Variants in ACKR3 observed in about 807,000 individuals in gnomAD.
ACKR3 encodes atypical chemokine receptor 3.
ACKR3 carries 6 observed loss-of-function variants against 22.4 expected under a neutral mutation model. That is an observed-to-expected ratio of 0.27 (90% CI 0.15 to 0.53). The LOEUF is 0.53. Ranked by LOEUF, ACKR3 falls within the 20% of genes least tolerant of loss-of-function variation. ACKR3 has a pLI of 0.96. For missense variants in ACKR3, 396 were observed against 475.2 expected (o/e 0.83, Z 1.55); for synonymous variants, 209 against 205.2 (o/e 1.02, Z -0.16).
the ACKR3 span, among the ~76,000 whole-genome samples, chr2:236,548,027 T>C: frequency 2.0e-5 from 3 of 152,194 alleles, no homozygotes; most frequent in Admixed American, 6.5e-5. The surrounding 1 kb of genome is among the most constrained non-coding windows in gnomAD (Gnocchi z 4.3). Context: ...CAATTAGACA[T>C]ATCTTCCACA....
In ACKR3 at chr2:236,581,055, G is replaced by A. The variant is rs776743438; in HGVS notation, c.590G>A (p.Arg197Gln). 6 of 1,614,024 alleles carry A rather than the reference G, an allele frequency of 3.7e-6. No homozygotes were observed. The highest frequency in any genetic ancestry group is 2.7e-5 in the African/African-American group (2 of 74,900). The change falls in exon 2 of 2, where the codon CGG (arginine) becomes CAG (glutamine). Residue 197 changes from arginine to glutamine, a missense_variant. Physicochemically the swap from Arg to Gln is conservative, Grantham distance 43 (BLOSUM62 1). Transcript: ENST00000272928. This position sits in a 1 kb window ranked among gnomAD's most constrained non-coding sequence, Gnocchi z 4.4. ...TSASNNETYCRSFYPEHSIKE... is the reference protein window; with the variant it reads ...TSASNNETYCQSFYPEHSIKE... The stretch of plus-strand genomic sequence containing the variant: ...GCGTCCAACAATGAGACCTACTGCC[G>A]GTCCTTCTACCCCGAGCACAGCATC...
Position 236,577,899 on chromosome 2 carries a change from G to A in ACKR3, c.-26-2541G>A, listed in dbSNP as rs1559472872. Reference sequence around the variant, plus strand: ...CGAGCTCCCTCTGGACCCAGCTGCTGTCCCTGCTGCTGCCCAGCTGTGGGG... The same window carrying A: ...CGAGCTCCCTCTGGACCCAGCTGCTATCCCTGCTGCTGCCCAGCTGTGGGG... On this transcript the variant is annotated intron_variant, in intron 1 of 1. Coordinates refer to ENST00000272928, the MANE Select transcript of ACKR3 (RefSeq NM_020311.3). The surrounding 1 kb of genome is among the most constrained non-coding windows in gnomAD (Gnocchi z 5.6). Among the ~76,000 whole-genome samples, 1 of 152,216 alleles carries A rather than the reference G, an allele frequency of 6.6e-6. No individual in the cohort carries two copies. The highest frequency in any genetic ancestry group is 1.5e-5 in the Non-Finnish European group (1 of 68,044).
chr2:236,538,365 C>T, the ACKR3 span, among the ~76,000 whole-genome samples: 4 of 152,180 alleles, frequency 2.6e-5, no homozygotes, highest in Non-Finnish European at 5.9e-5. Context: ...ACTTGAAATA[C>T]TAAAAACGTG....
the ACKR3 span, among the ~76,000 whole-genome samples, chr2:236,538,208 T>C: frequency 6.6e-6 from 1 of 152,316 alleles, no homozygotes; most frequent in South Asian, 2.1e-4. Flanking sequence ...CTAAAAACCT[T>C]GTGTGGCCAT....
chr2:236,549,776 G>A, the ACKR3 span, among the ~76,000 whole-genome samples: 3 of 152,226 alleles, frequency 2.0e-5, no homozygotes, highest in South Asian at 6.2e-4. This position sits in a 1 kb window ranked among gnomAD's most constrained non-coding sequence, Gnocchi z 5.3. Context: ...CAACTATGGT[G>A]GAGCCCTGTA....
the ACKR3 span, among the ~76,000 whole-genome samples, chr2:236,556,759 G>A: frequency 2.0e-5 from 3 of 152,148 alleles, no homozygotes; most frequent in Non-Finnish European, 2.9e-5. Flanking sequence ...TGTGATCTCC[G>A]CTCACTGCAA....
chr2:236,567,768 GA>G (rs1221448747), upstream of ACKR3: 2 of 152,432 alleles, frequency 1.3e-5, no homozygotes, highest in African/African-American at 2.4e-5. Context: ...ACGGGTGGGG[GA>G]CGTCGAAGGG....
chr2:236,539,479 G>A, the ACKR3 span, among the ~76,000 whole-genome samples: 11,352 of 151,272 alleles, frequency 0.075, 1,426 homozygotes, highest in African/African-American at 0.26. Context: ...CGCCTGGCTA[G>A]TTTTTGTATT....
At chr2:236,544,639 C>T in the ACKR3 span, among the ~76,000 whole-genome samples, 15 of 152,236 alleles carry the variant, frequency 9.9e-5, no homozygotes, top group East Asian at 1.9e-4. This position sits in a 1 kb window ranked among gnomAD's most constrained non-coding sequence, Gnocchi z 5.0. Flanking sequence ...ATGTTGAAGA[C>T]GAAGGCAGAA....
chr2:236,566,886 TTCTC>T (rs984943433), upstream of ACKR3, among the ~76,000 whole-genome samples: 2 of 151,496 alleles, frequency 1.3e-5, no homozygotes, highest in East Asian at 1.9e-4. Context: ...TTTTCTTCCT[TTCTC>T]TCTCTGTCTC....
At chr2:236,565,295 G>A (rs1302801111), upstream of ACKR3, among the ~76,000 whole-genome samples, 1 of 152,146 alleles carries the variant, frequency 6.6e-6, no homozygotes, top group African/African-American at 2.4e-5. Flanking sequence ...GTGTTGAAGA[G>A]GTTAAAATAT....
At chr2:236,546,446 T>A in the ACKR3 span, among the ~76,000 whole-genome samples, 1 of 152,220 alleles carries the variant, frequency 6.6e-6, no homozygotes, top group Non-Finnish European at 1.5e-5. This position sits in a 1 kb window ranked among gnomAD's most constrained non-coding sequence, Gnocchi z 4.9. Context: ...CACTATAAAT[T>A]TAATAAAATT....
chr2:236,545,847 CT>C, the ACKR3 span, among the ~76,000 whole-genome samples: 2 of 152,104 alleles, frequency 1.3e-5, no homozygotes, highest in Non-Finnish European at 2.9e-5. This position sits in a 1 kb window ranked among gnomAD's most constrained non-coding sequence, Gnocchi z 5.3. Flanking sequence ...AATTATTTGC[CT>C]GGTTTAGTGT....
At chr2:236,567,367 C>T (rs897681321), upstream of ACKR3, among the ~76,000 whole-genome samples, 1 of 152,188 alleles carries the variant, frequency 6.6e-6, no homozygotes, top group African/African-American at 2.4e-5. Context: ...TCCTATTCAT[C>T]TATCTTATGT....
intron 1 of ACKR3, among the ~76,000 whole-genome samples, chr2:236,572,856 A>G (rs986737913): frequency 1.3e-5 from 2 of 152,230 alleles, no homozygotes; most frequent in African/African-American, 4.8e-5. Context: ...CATGTGAAGT[A>G]TGTCTAAGGA....
the ACKR3 span, among the ~76,000 whole-genome samples, chr2:236,539,311 T>C: frequency 8.0e-5 from 11 of 138,334 alleles, no homozygotes; most frequent in Admixed American, 2.9e-4. Flanking sequence ...CTTTTCTTTT[T>C]TTTTTTTTTT....
At chr2:236,564,118 CCT>C (rs1691134935), upstream of ACKR3, among the ~76,000 whole-genome samples, 1 of 151,926 alleles carries the variant, frequency 6.6e-6, no homozygotes, top group African/African-American at 2.4e-5. Context: ...GCAAAAACCC[CCT>C]CTCGGGAAAT....
At chr2:236,560,314 GCCTTTTTTT>G in the ACKR3 span, among the ~76,000 whole-genome samples, 6 of 126,930 alleles carry the variant, frequency 4.7e-5, no homozygotes, top group African/African-American at 1.9e-4. Context: ...AGCACTTGTT[GCCTTTTTTT>G]TTTTTTTTTT....
the ACKR3 span, among the ~76,000 whole-genome samples, chr2:236,541,162 A>C: frequency 6.6e-6 from 1 of 152,348 alleles, no homozygotes; most frequent in Admixed American, 6.5e-5. Flanking sequence ...CAATAATCGT[A>C]TAAGATTATA....
Sources: allele counts gnomAD v4.1 joint callset (sites outside exome capture counted in the v4.1 genomes callset), GRCh38; gene constraint gnomAD v4.1.1; non-coding constraint Gnocchi (gnomAD v3.1); transcripts MANE v1.5; gene names NCBI Gene and HGNC (gene_info 2026-07-23, HGNC 2026-07-21).